Variants in EIF2AK1 observed in about 807,000 individuals in gnomAD.
The protein encoded by EIF2AK1 is eukaryotic translation initiation factor 2-alpha kinase 1.
Under a neutral mutation model 77.9 loss-of-function variants are expected in EIF2AK1, and 54 were observed. The observed-to-expected ratio is 0.69, with a 90% CI of 0.56 to 0.87. EIF2AK1 has a LOEUF of 0.87. Among genes scored for constraint, EIF2AK1 ranks in the 40% least tolerant of loss-of-function variants. The pLI, the probability that EIF2AK1 is intolerant of heterozygous loss-of-function variation, is 0.00. For synonymous variants in EIF2AK1, 314 were observed against 290.5 expected, an observed-to-expected ratio of 1.08 and a Z score of -0.82; for missense variants, 810 against 768.6, an observed-to-expected ratio of 1.05 and a Z score of -0.64.
rs766236515 is a variant in EIF2AK1, at chr7:6,044,675, G to T, written c.631-14C>A. The T allele has an allele frequency of 2.5e-6, 4 of 1,609,920 alleles. No individual in the cohort carries two copies. The highest frequency in any genetic ancestry group is 3.4e-6 in the Non-Finnish European group (4 of 1,176,800). ...TTCCCGTAGGACCTAGAAAAGAAAT[G>T]GAAGTAGATCTGCCTTTTGCTGATA... On this transcript the variant is annotated splice_polypyrimidine_tract_variant and intron_variant, in intron 6 of 14. Coordinates refer to ENST00000199389, the MANE Select transcript of EIF2AK1 (RefSeq NM_014413.4).
Position 6,036,567 on chromosome 7 carries a change from G to A in EIF2AK1, c.1332+857C>T, listed in dbSNP as rs1006984003. Among the ~76,000 whole-genome samples, 2 of 148,772 alleles carry A rather than the reference G, an allele frequency of 1.3e-5. No homozygotes were observed. The highest frequency in any genetic ancestry group is 1.3e-4 in the Admixed American group (2 of 14,834). Reference sequence around the variant, plus strand: ...TTGTCTATTAACATTTTTGTTCCTAGGTTTTTTTTTTTTTCATGCCCTTTC... The same window carrying A: ...TTGTCTATTAACATTTTTGTTCCTAAGTTTTTTTTTTTTTCATGCCCTTTC... On this transcript the variant is annotated intron_variant, in intron 11 of 14. Coordinates refer to ENST00000199389, the MANE Select transcript of EIF2AK1 (RefSeq NM_014413.4). This position sits in a 1 kb window ranked among gnomAD's most constrained non-coding sequence, Gnocchi z 4.6.
chr7:6,048,671 C>A, intron 4 of EIF2AK1, 136 bp downstream of exon 4: 1 of 688,466 alleles, frequency 1.5e-6, no homozygotes, highest in African/African-American at 1.9e-5. Flanking sequence ...CAGAGCAGTA[C>A]TTAATTGCTG....
At chr7:6,042,690 C>A (rs568429944) in intron 8 of EIF2AK1, among the ~76,000 whole-genome samples, 3 of 152,020 alleles carry the variant, frequency 2.0e-5, no homozygotes, top group Non-Finnish European at 4.4e-5. Context: ...CACGGTGAAA[C>A]CCCGTCTCTA....
Position 6,027,222 on chromosome 7 carries a change from C to G in EIF2AK1, c.1531-261G>C, listed in dbSNP as rs1328351830. On this transcript the variant is annotated intron_variant, in intron 13 of 14. Coordinates refer to ENST00000199389, the MANE Select transcript of EIF2AK1 (RefSeq NM_014413.4). This position sits in a 1 kb window ranked among gnomAD's most constrained non-coding sequence, Gnocchi z 4.5. ...CCCACCCACAGCAGTCACGACCATA[C>G]AACTGTCTTCAGCACCCCTTAACAA... 6.6e-6 allele frequency among the ~76,000 whole-genome samples: 1 copy of G among 152,166 alleles called. No individual in the cohort carries two copies. Among genetic ancestry groups the G allele is most frequent in the African/African-American group, 2.4e-5 (1 of 41,436 alleles).
chr7:6,054,919 C>G (rs756435159), intron 1 of EIF2AK1, among the ~76,000 whole-genome samples: 3 of 151,962 alleles, frequency 2.0e-5, no homozygotes, highest in Non-Finnish European at 4.4e-5. Flanking sequence ...AGAAAGATGC[C>G]GTGAGACAGA....
chr7:6,058,776 ATAAATATT>A (rs1788866721), intron 1 of EIF2AK1, among the ~76,000 whole-genome samples, 182 bp downstream of exon 1: 1 of 152,188 alleles, frequency 6.6e-6, no homozygotes, highest in Non-Finnish European at 1.5e-5. Flanking sequence ...GTTCTTTTCA[ATAAATATT>A]TACCTTACCC....
chr7:6,032,129 G>A lies in EIF2AK1; in HGVS notation c.1333-3097C>T, dbSNP rs974294278. On this transcript the variant is annotated intron_variant, in intron 11 of 14. Coordinates refer to ENST00000199389, the MANE Select transcript of EIF2AK1 (RefSeq NM_014413.4). The surrounding 1 kb of genome is among the most constrained non-coding windows in gnomAD (Gnocchi z 4.3). Reference sequence around the variant, plus strand: ...GCAGAGGTTGCAGTGAGCCAAGATCGTACCACTGCACTCTCTAGCCTGGAT... The same window carrying A: ...GCAGAGGTTGCAGTGAGCCAAGATCATACCACTGCACTCTCTAGCCTGGAT... 3.3e-5 allele frequency among the ~76,000 whole-genome samples: 5 copies of A among 152,270 alleles called. No homozygotes were observed. The highest frequency in any genetic ancestry group is 2.1e-4 in the South Asian group (1 of 4,822).
chr7:6,029,493 CA>C (rs1033539460), intron 11 of EIF2AK1, among the ~76,000 whole-genome samples: 97 of 134,204 alleles, frequency 7.2e-4, no homozygotes, highest in Non-Finnish European at 7.3e-4. Flanking sequence ...AACCCTGTCT[CA>C]AAAAAAAAAA....
At chr7:6,056,613 A>AAAAAAAAATAT in intron 1 of EIF2AK1, among the ~76,000 whole-genome samples, 1 of 43,730 alleles carries the variant, frequency 2.3e-5, no homozygotes, top group African/African-American at 8.2e-5. Context: ...AAAAAAAAAA[A>AAAAAAAAATAT]ATATATATAT....
Position 6,036,287 on chromosome 7 carries a change from T to A in EIF2AK1, c.1332+1137A>T. On this transcript the variant is annotated intron_variant, in intron 11 of 14. Transcript: ENST00000199389. This position sits in a 1 kb window ranked among gnomAD's most constrained non-coding sequence, Gnocchi z 4.6. ...GTATCTGCAAAAGAAACATCAGGAA[T>A]ATTTATGGTGAGAAATACAAACAGC... 1.9e-6 allele frequency: 3 copies of A among 1,549,310 alleles called. No homozygotes were observed.
Position 6,037,432 on chromosome 7 carries a change from C to G in EIF2AK1, c.1324G>C (p.Asp442His). The stretch of plus-strand genomic sequence containing the variant: ...TCATCGCCCCCACTTACCTTCAGAT[C>G]TCGGTGCACAATTCCCATGTTATGT... ...YIHNMGIVHR[D>H]LKPRNIFLHG... Residue 442 changes from aspartate (D) to histidine (H), a missense_variant, in exon 11 of 15, where the codon GAT (aspartate) becomes CAT (histidine). Around this residue, in one of 3 missense-constraint regions of EIF2AK1, gnomAD observed 549 missense variants for 533.7 expected, o/e 1.03. Transcript: ENST00000199389. 6.2e-7 allele frequency: 1 copy of G among 1,608,364 alleles called. No homozygotes were observed. Among genetic ancestry groups the G allele is most frequent in the Non-Finnish European group, 8.5e-7 (1 of 1,176,574 alleles).
Position 6,037,429 on chromosome 7 carries a change from G to T in EIF2AK1, c.1327C>A (p.Leu443Met). The change falls in exon 11 of 15, where the codon CTG (leucine) becomes ATG (methionine). Residue 443 changes from leucine to methionine, a missense_variant. Physicochemically the swap from Leu to Met is conservative, Grantham distance 15. This residue lies in a region of EIF2AK1 where 549 missense variants were observed against 533.7 expected (regional missense o/e 1.03). Coordinates refer to ENST00000199389, the MANE Select transcript of EIF2AK1 (RefSeq NM_014413.4). ...ATTTCATCGCCCCCACTTACCTTCA[G>T]ATCTCGGTGCACAATTCCCATGTTA... ...IHNMGIVHRD[L>M]KPRNIFLHGP... The T allele has an allele frequency of 1.2e-6, 2 of 1,605,876 alleles. No individual in the cohort carries two copies. Among genetic ancestry groups the T allele is most frequent in the Non-Finnish European group, 1.7e-6 (2 of 1,175,034 alleles).
chr7:6,041,330 G>A, intron 8 of EIF2AK1, 111 bp from the exon 9 acceptor site: 1 of 1,108,532 alleles, frequency 9.0e-7, no homozygotes, highest in East Asian at 2.4e-5. Context: ...CTTAAGGTCA[G>A]GAGTTGGAGA....
At chr7:6,051,693 G>A (rs1788611303) in intron 2 of EIF2AK1, among the ~76,000 whole-genome samples, 1 of 151,652 alleles carries the variant, frequency 6.6e-6, no homozygotes, top group Non-Finnish European at 1.5e-5. Flanking sequence ...CTCCCAAAGT[G>A]CTAGGATTAC....
chr7:6,029,817 T>C (rs990200133), intron 11 of EIF2AK1, among the ~76,000 whole-genome samples: 4 of 152,034 alleles, frequency 2.6e-5, no homozygotes, highest in African/African-American at 9.6e-5. Flanking sequence ...ACCCCATCTC[T>C]ACTAAAAATA....
rs775245397 is a variant in EIF2AK1 at position 6,023,485 on chromosome 7, G to C, written c.*1188C>G. 1 of 1,614,056 alleles carries C rather than the reference G, an allele frequency of 6.2e-7. No homozygotes were observed. The highest frequency in any genetic ancestry group is 8.5e-7 in the Non-Finnish European group (1 of 1,179,996). On this transcript the variant is annotated 3_prime_UTR_variant, in exon 15 of 15. Coordinates refer to ENST00000199389, the MANE Select transcript of EIF2AK1 (RefSeq NM_014413.4). ...AAAAGAGGGAAGCAGTAAAGAAAAA[G>C]CCGCTGTTTTCCGCTCCATGAACTC...
At chr7:6,058,425 C>T (rs1788855952) in intron 1 of EIF2AK1, among the ~76,000 whole-genome samples, 1 of 151,942 alleles carries the variant, frequency 6.6e-6, no homozygotes, top group Non-Finnish European at 1.5e-5. Context: ...CAAAAAAAAA[C>T]TTGGGCCTTT....
At chr7:6,028,317 C>T (rs1041728248) in intron 13 of EIF2AK1, among the ~76,000 whole-genome samples, 1 of 151,502 alleles carries the variant, frequency 6.6e-6, no homozygotes, top group Non-Finnish European at 1.5e-5. Flanking sequence ...AATGGTGCAA[C>T]CTCGGCTCAC....
Position 6,033,791 on chromosome 7 carries a change from A to C in EIF2AK1, c.1332+3633T>G, listed in dbSNP as rs6959042. 1.3e-5 allele frequency among the ~76,000 whole-genome samples: 2 copies of C among 151,222 alleles called. No homozygotes were observed. The highest frequency in any genetic ancestry group is 4.9e-5 in the African/African-American group (2 of 41,226). ...TCACCATGTTAGCCAGGATAGTCTC[A>C]ATCTCCTGACCTCGTGATCCGTCCA... On this transcript the variant is annotated intron_variant, in intron 11 of 14. Coordinates refer to ENST00000199389, the MANE Select transcript of EIF2AK1 (RefSeq NM_014413.4). This position sits in a 1 kb window ranked among gnomAD's most constrained non-coding sequence, Gnocchi z 4.4.
Sources: gnomAD v4.1 joint callset for allele counts (sites outside exome capture counted in the v4.1 genomes callset) on GRCh38, gnomAD v4.1.1 for gene constraint, gnomAD v4.1.1 regional missense constraint, Gnocchi (gnomAD v3.1) non-coding constraint, MANE v1.5 for transcripts, NCBI Gene and HGNC (gene_info 2026-07-23, HGNC 2026-07-21) for gene names.